The following URB1 variants were observed in gnomAD, a reference collection of about 807,000 sequenced individuals.
The protein encoded by URB1 is URB1 ribosome biogenesis factor, also known as nucleolar pre-ribosomal-associated protein 1.
A neutral mutation model predicts 242.3 loss-of-function variants in URB1; 197 were observed. The ratio of observed to expected loss-of-function variants is 0.81; its 90% CI spans 0.72 to 0.91. The LOEUF (loss-of-function observed/expected upper bound fraction) is 0.91. Among genes scored for constraint, URB1 ranks in the 40% least tolerant of loss-of-function variants. The pLI, the probability that URB1 is intolerant of heterozygous loss-of-function variation, is 0.00. For synonymous variants in URB1, 1,153 were observed against 1,201.8 expected, an observed-to-expected ratio of 0.96 and a Z score of 0.84; for missense variants, 2,721 against 2,860.5, an observed-to-expected ratio of 0.95 and a Z score of 1.11.
chr21:32,354,480 T>C (rs2033196095), intron 17 of URB1, among the ~76,000 whole-genome samples: 1 of 152,198 alleles, frequency 6.6e-6, no homozygotes, highest in Non-Finnish European at 1.5e-5. Context: ...GACTTTGCTA[T>C]GTAGTAGCTG....
chr21:32,371,585 A>G (rs2033406380), intron 8 of URB1, among the ~76,000 whole-genome samples: 1 of 152,242 alleles, frequency 6.6e-6, no homozygotes, highest in African/African-American at 2.4e-5. Context: ...AGCAGACAGA[A>G]AAACTCCCAC....
Position 32,312,354 on chromosome 21 carries a change from T to C in URB1, c.*2564A>G, listed in dbSNP as rs1207604600. On this transcript the variant is annotated 3_prime_UTR_variant, in exon 39 of 39. Transcript: ENST00000382751. ...TTACTGTGTAATGCGTTATCAGCCC[T>C]GAGTTCACCTGGTCCTTCTGTACCT... is the stretch of plus-strand genomic sequence containing the variant. 5.1e-6 allele frequency: 6 copies of C among 1,183,034 alleles called. No individual in the cohort carries two copies. The highest frequency in any genetic ancestry group is 6.4e-6 in the Non-Finnish European group (6 of 938,140). 73.3% of individuals were successfully genotyped at this position (1,183,034 alleles called of 1,614,324 possible).
intron 36 of URB1, 70 bp from the exon 37 acceptor site, chr21:32,317,987 C>T (rs2032714814): frequency 6.6e-7 from 1 of 1,524,564 alleles, no homozygotes; most frequent in South Asian, 1.3e-5. Context: ...CACTGCGGCA[C>T]CCTGACGACA....
intron 13 of URB1, among the ~76,000 whole-genome samples, 175 bp from the exon 14 acceptor site, chr21:32,360,083 C>A (rs2033266886): frequency 6.6e-6 from 1 of 152,164 alleles, no homozygotes; most frequent in Non-Finnish European, 1.5e-5. Context: ...CCTGATGTAC[C>A]CCCACGCCCT....
intron 11 of URB1, 71 bp from the exon 12 acceptor site, chr21:32,362,092 T>A: frequency 6.6e-7 from 1 of 1,511,318 alleles, no homozygotes; most frequent in Non-Finnish European, 8.9e-7. Context: ...CTGAACACAT[T>A]AACAAGATGC....
chr21:32,392,917 G>A lies in URB1; in HGVS notation c.-7C>T. 6.6e-7 allele frequency: 1 copy of A among 1,506,668 alleles called. No individual in the cohort carries two copies. The highest frequency in any genetic ancestry group is 8.8e-7 in the Non-Finnish European group (1 of 1,130,390). The allele number at this position is 1,506,668 out of a possible 1,614,324, so 93.3% of individuals were successfully genotyped here. A position where few individuals can be genotyped will look rare whatever the true frequency, so the allele number is the denominator to read the frequency against. ...TCCTCTTGGGGACCCCCATGGCCGAGAGGGCGGAAGCGCGACGGAAACGAC... is the reference window on the plus strand; with the variant it reads ...TCCTCTTGGGGACCCCCATGGCCGAAAGGGCGGAAGCGCGACGGAAACGAC... On this transcript the variant is annotated 5_prime_UTR_variant, in exon 1 of 39. Transcript: ENST00000382751.
chr21:32,353,023 T>C, intron 18 of URB1, 117 bp from the exon 19 acceptor site: 7 of 1,046,314 alleles, frequency 6.7e-6, no homozygotes, highest in African/African-American at 1.6e-5. Context: ...TGCAACTCCA[T>C]GAGGGGACAC....
chr21:32,321,015 C>T (rs531801855), intron 34 of URB1, among the ~76,000 whole-genome samples: 2 of 152,324 alleles, frequency 1.3e-5, no homozygotes, highest in South Asian at 2.1e-4. Context: ...ACGAGCCATG[C>T]GGCCCTGTGT....
chr21:32,320,799 C>T (rs555556987), intron 34 of URB1, among the ~76,000 whole-genome samples, 159 bp from the exon 35 acceptor site: 3 of 152,322 alleles, frequency 2.0e-5, no homozygotes, highest in East Asian at 3.9e-4. Flanking sequence ...CATGTACGAA[C>T]GTGCCCTTCC....
intron 30 of URB1, among the ~76,000 whole-genome samples, chr21:32,327,858 A>C (rs1385755139): frequency 2.0e-5 from 3 of 152,248 alleles, no homozygotes; most frequent in Non-Finnish European, 4.4e-5. Context: ...ACCAGTAAAA[A>C]TATGCATGCA....
intron 29 of URB1, 59 bp downstream of exon 29, chr21:32,334,103 GA>G: frequency 2.0e-6 from 3 of 1,467,782 alleles, no homozygotes; most frequent in Non-Finnish European, 2.7e-6. Flanking sequence ...TGAGGGTGCA[GA>G]TGGAGCCCCT....
At chr21:32,320,409 A>G (rs2032750292) in intron 35 of URB1, 122 bp downstream of exon 35, 2 of 752,878 alleles carry the variant, frequency 2.7e-6, no homozygotes, top group Admixed American at 2.7e-5. Context: ...AGGACACTGC[A>G]TTTCAGAGAG....
intron 1 of URB1, among the ~76,000 whole-genome samples, chr21:32,390,197 T>A (rs2033622968): frequency 6.6e-6 from 1 of 152,218 alleles, no homozygotes; most frequent in Non-Finnish European, 1.5e-5. Flanking sequence ...CTGGGTCTCC[T>A]TCTGACATGT....
Position 32,314,675 on chromosome 21 carries a change from T to A in URB1, c.*243A>T. 1 of 1,608,596 alleles carries A rather than the reference T, an allele frequency of 6.2e-7. No individual in the cohort carries two copies. The highest frequency in any genetic ancestry group is 8.5e-7 in the Non-Finnish European group (1 of 1,175,004). ...CTGACGAGGCACTGGATGGGCCTCATGGCCTAGAAGTCCCCACATTCCTTG... is the reference window on the plus strand; with the variant it reads ...CTGACGAGGCACTGGATGGGCCTCAAGGCCTAGAAGTCCCCACATTCCTTG... On this transcript the variant is annotated 3_prime_UTR_variant, in exon 39 of 39. Coordinates refer to ENST00000382751, the MANE Select transcript of URB1 (RefSeq NM_014825.3).
rs148912155 is a variant in URB1, at chr21:32,322,418, C to G, written c.5340+60G>C. 1.7e-4 allele frequency: 241 copies of G among 1,396,676 alleles called. No individual in the cohort carries two copies. In the East Asian group the frequency reaches 5.8e-3, roughly 33 times the overall value. The allele number at this position is 1,396,676 out of a possible 1,614,324, so 86.5% of individuals were successfully genotyped here. Reference sequence around the variant, plus strand: ...CCATGGGGAAATGTCAGAATGACAACGGTGGCTGCATCATCAATTCAGGGG... The same window carrying G: ...CCATGGGGAAATGTCAGAATGACAAGGGTGGCTGCATCATCAATTCAGGGG... On this transcript the variant is annotated intron_variant, in intron 33 of 38. Coordinates refer to ENST00000382751, the MANE Select transcript of URB1 (RefSeq NM_014825.3).
chr21:32,319,811 T>C (rs959622744), intron 35 of URB1, among the ~76,000 whole-genome samples: 1 of 152,234 alleles, frequency 6.6e-6, no homozygotes, highest in Non-Finnish European at 1.5e-5. Context: ...ACCCACTTTT[T>C]TTGTTGTTTG....
At chr21:32,375,843 G>C (rs965615933) in intron 5 of URB1, among the ~76,000 whole-genome samples, 2 of 152,080 alleles carry the variant, frequency 1.3e-5, no homozygotes, top group African/African-American at 4.8e-5. Flanking sequence ...TGTAGTCTTA[G>C]GTACCTAAGA....
intron 10 of URB1, among the ~76,000 whole-genome samples, chr21:32,364,303 A>G (rs897054609): frequency 7.9e-5 from 12 of 152,040 alleles, no homozygotes; most frequent in African/African-American, 2.9e-4. Flanking sequence ...CATCTCCCGG[A>G]GCTCAGGAGA....
At chr21:32,321,691 C>T (rs1046760646) in intron 34 of URB1, 110 bp downstream of exon 34, 22 of 1,461,014 alleles carry the variant, frequency 1.5e-5, no homozygotes, top group African/African-American at 4.2e-5. Context: ...AGGGTTAGGT[C>T]GGTCGTGTCC....
Sources: gnomAD v4.1 joint callset for allele counts (sites outside exome capture counted in the v4.1 genomes callset) on GRCh38, gnomAD v4.1.1 for gene constraint, MANE v1.5 for transcripts, NCBI Gene and HGNC (gene_info 2026-07-23, HGNC 2026-07-21) for gene names.